The following PRKCA variants were observed in gnomAD, a reference collection of about 807,000 sequenced individuals.
PRKCA encodes protein kinase C alpha.
A neutral mutation model predicts 87.0 loss-of-function variants in PRKCA; 27 were observed. That is an observed-to-expected ratio of 0.31 (90% CI 0.23 to 0.43). PRKCA has a LOEUF of 0.43. Among genes scored for constraint, PRKCA ranks in the 20% least tolerant of loss-of-function variants. The pLI, the probability that PRKCA is intolerant of heterozygous loss-of-function variation, is 1.00. For missense variants in PRKCA, 518 were observed against 852.3 expected, an observed-to-expected ratio of 0.61 and a Z score of 4.88; for synonymous variants, 329 against 311.1, an observed-to-expected ratio of 1.06 and a Z score of -0.61.
At chr17:66,678,357 A>C (rs572191402) in intron 5 of PRKCA, among the ~76,000 whole-genome samples, 2 of 152,306 alleles carry the variant, frequency 1.3e-5, no homozygotes, top group South Asian at 4.1e-4. Flanking sequence ...CCAGAACTGC[A>C]AGAGAATACA....
At chr17:66,773,110 C>T (rs115671313) in intron 13 of PRKCA, among the ~76,000 whole-genome samples, 77 of 151,976 alleles carry the variant, frequency 5.1e-4, no homozygotes, top group African/African-American at 1.8e-3. Context: ...GGACTCCAGA[C>T]TCACACCACC....
chr17:66,797,298 G>A (rs1262862635), intron 16 of PRKCA, among the ~76,000 whole-genome samples: 2 of 152,222 alleles, frequency 1.3e-5, no homozygotes, highest in East Asian at 1.9e-4. Context: ...CAGAGTCCGT[G>A]TCATTCATGT....
At chr17:66,650,285 C>A (rs1470659896) in intron 5 of PRKCA, among the ~76,000 whole-genome samples, 1 of 151,938 alleles carries the variant, frequency 6.6e-6, no homozygotes, top group Non-Finnish European at 1.5e-5. Context: ...TGGGAAAGCC[C>A]CGAGCTTTGG....
intron 2 of PRKCA, among the ~76,000 whole-genome samples, chr17:66,471,123 TC>T (rs1383721354): frequency 6.6e-6 from 1 of 152,146 alleles, no homozygotes; most frequent in African/African-American, 2.4e-5. Flanking sequence ...TCCTGAAACT[TC>T]AGATTAATTT....
At chr17:66,450,672 C>T (rs558026790) in intron 2 of PRKCA, among the ~76,000 whole-genome samples, 1 of 152,316 alleles carries the variant, frequency 6.6e-6, no homozygotes, top group South Asian at 2.1e-4. Flanking sequence ...ACTTAACACT[C>T]TCTTTGCAGG....
chr17:66,374,869 A>G (rs143043117), intron 2 of PRKCA, among the ~76,000 whole-genome samples: 1,912 of 152,012 alleles, frequency 0.013, 45 homozygotes, highest in African/African-American at 0.044. Context: ...CTGGGACTAC[A>G]GGCACTTGCC....
intron 2 of PRKCA, among the ~76,000 whole-genome samples, chr17:66,467,956 T>C (rs1480799598): frequency 1.3e-5 from 2 of 152,206 alleles, no homozygotes. Context: ...ACAAGTTATC[T>C]TTCCTTGCTG....
At chr17:66,709,074 C>T (rs145478320) in intron 8 of PRKCA, among the ~76,000 whole-genome samples, 15 of 152,196 alleles carry the variant, frequency 9.9e-5, no homozygotes, top group Non-Finnish European at 1.6e-4. Context: ...TTACTGAGCA[C>T]GTAGGATTGG....
At chr17:66,755,231 G>T (rs1046214497) in intron 13 of PRKCA, among the ~76,000 whole-genome samples, 3 of 152,136 alleles carry the variant, frequency 2.0e-5, no homozygotes, top group Non-Finnish European at 4.4e-5. Flanking sequence ...GCAGAAAATC[G>T]CACCCCACGC....
At chr17:66,783,348 G>A (rs752367859) in intron 14 of PRKCA, among the ~76,000 whole-genome samples, 1 of 152,180 alleles carries the variant, frequency 6.6e-6, no homozygotes, top group Non-Finnish European at 1.5e-5. Flanking sequence ...GCCAGAGAGG[G>A]GTAGAGGATG....
chr17:66,727,149 C>T (rs933147011), intron 8 of PRKCA, among the ~76,000 whole-genome samples: 1 of 152,144 alleles, frequency 6.6e-6, no homozygotes, highest in African/African-American at 2.4e-5. Context: ...AGCTGGTGTC[C>T]AGGCTCTTGA....
chr17:66,796,745 G>C (rs72838636), intron 16 of PRKCA: 71,479 of 985,310 alleles, frequency 0.073, 2,820 homozygotes, highest in Non-Finnish European at 0.079. Flanking sequence ...CTTAAAAGAA[G>C]ACGCTGTGCA....
intron 3 of PRKCA, among the ~76,000 whole-genome samples, chr17:66,620,147 T>C (rs900254493): frequency 6.6e-6 from 1 of 152,196 alleles, no homozygotes; most frequent in South Asian, 2.1e-4. Flanking sequence ...TGAATACTCA[T>C]CAAAGAAATT....
At position 66,496,195 on chromosome 17, in the gene PRKCA, T is replaced by C. The variant is rs1182974480; in HGVS notation, c.206-6T>C. On this transcript the variant is annotated splice_polypyrimidine_tract_variant and splice_region_variant and intron_variant, in intron 2 of 16. Coordinates refer to ENST00000413366, the MANE Select transcript of PRKCA (RefSeq NM_002737.3). The stretch of plus-strand genomic sequence containing the variant: ...TTCTAATTTTAGTTTCCTTTTTCTC[T>C]ACCAGTTTGCTGTTTTGTGGTCCAC... 2 of 1,611,710 alleles carry C rather than the reference T, an allele frequency of 1.2e-6. No individual in the cohort carries two copies. Among genetic ancestry groups the C allele is most frequent in the East Asian group, 4.5e-5 (2 of 44,878 alleles).
At chr17:66,605,856 T>G (rs1970191428) in intron 3 of PRKCA, among the ~76,000 whole-genome samples, 1 of 152,234 alleles carries the variant, frequency 6.6e-6, no homozygotes, top group Non-Finnish European at 1.5e-5. Context: ...ATTCCATTTA[T>G]GTGAAACATC....
At chr17:66,414,333 CTCTT>C (rs970069097) in intron 2 of PRKCA, among the ~76,000 whole-genome samples, 1 of 152,164 alleles carries the variant, frequency 6.6e-6, no homozygotes, top group African/African-American at 2.4e-5. Context: ...TCCCTGCTCC[CTCTT>C]TCTTCCTCCT....
intron 2 of PRKCA, among the ~76,000 whole-genome samples, chr17:66,439,412 C>A (rs889333355): frequency 4.6e-5 from 7 of 152,126 alleles, no homozygotes; most frequent in African/African-American, 1.4e-4. Flanking sequence ...GAACTCCTGA[C>A]CTTGTGATCT....
At chr17:66,519,661 C>G (rs1183998621) in intron 3 of PRKCA, among the ~76,000 whole-genome samples, 1 of 152,180 alleles carries the variant, frequency 6.6e-6, no homozygotes, top group Non-Finnish European at 1.5e-5. Context: ...TCCTCCAGCC[C>G]ACACTTTCTT....
At chr17:66,345,452 A>G (rs1230584723) in intron 2 of PRKCA, among the ~76,000 whole-genome samples, 1 of 152,150 alleles carries the variant, frequency 6.6e-6, no homozygotes, top group Non-Finnish European at 1.5e-5. Flanking sequence ...TTGCCTAATT[A>G]GTTTTATAAG....
Sources: gnomAD v4.1 joint callset for allele counts (sites outside exome capture counted in the v4.1 genomes callset) on GRCh38, gnomAD v4.1.1 for gene constraint, MANE v1.5 for transcripts, NCBI Gene and HGNC (gene_info 2026-07-23, HGNC 2026-07-21) for gene names.